Variants in GRAMD1C observed in about 807,000 individuals in gnomAD.
GRAMD1C encodes protein Aster-C.
Under a neutral mutation model 97.8 loss-of-function variants are expected in GRAMD1C, and 89 were observed. The observed-to-expected ratio is 0.91, with a 90% CI of 0.77 to 1.09. GRAMD1C has a LOEUF of 1.09. GRAMD1C is among the 50% of genes least tolerant of loss of function. The pLI is 0.00. For synonymous variants in GRAMD1C, 256 were observed against 267.0 expected (o/e 0.96, Z 0.40); for missense variants, 740 against 766.4 (o/e 0.97, Z 0.41).
intron 6 of GRAMD1C, among the ~76,000 whole-genome samples, chr3:113,895,570 A>G (rs1432236282): frequency 1.3e-5 from 2 of 152,238 alleles, no homozygotes; most frequent in Non-Finnish European, 2.9e-5. Context: ...CAGTAGTGCT[A>G]TCAATCTAAT....
chr3:113,867,465 G>A (rs968902243), intron 2 of GRAMD1C, among the ~76,000 whole-genome samples: 4 of 151,642 alleles, frequency 2.6e-5, no homozygotes, highest in African/African-American at 9.7e-5. Context: ...GCTAATTTTT[G>A]TATTTTAGTA....
chr3:113,885,383 G>T (rs1935433769), intron 6 of GRAMD1C: 1 of 1,584,764 alleles, frequency 6.3e-7, no homozygotes. Context: ...TACCTTTTGC[G>T]GGGGCAGATC....
chr3:113,838,537 C>G (rs1709678804), upstream of GRAMD1C: 1 of 196,540 alleles, frequency 5.1e-6, no homozygotes, highest in Admixed American at 6.1e-5. Flanking sequence ...GGCCTTGGCA[C>G]TCCATCCAGC....
intron 2 of GRAMD1C, among the ~76,000 whole-genome samples, chr3:113,856,335 C>G (rs952311700): frequency 1.3e-5 from 2 of 152,020 alleles, no homozygotes; most frequent in Non-Finnish European, 2.9e-5. Context: ...ACAGTTTCCC[C>G]CAATAGTAAC....
chr3:113,921,708 T>G lies in GRAMD1C; in HGVS notation c.1090+5870T>G, dbSNP rs553751716. ...GTTTGATTTGCATTTCTCTAGTGAT[T>G]AGGGATGTTGAACATTTTTTCATAT... is the stretch of plus-strand genomic sequence containing the variant. On this transcript the variant is annotated intron_variant, in intron 10 of 17. Transcript: ENST00000358160. Among the ~76,000 whole-genome samples, 7 of 152,302 alleles carry G rather than the reference T, an allele frequency of 4.6e-5. No homozygotes were observed. In the South Asian group the frequency reaches 6.2e-4, roughly 14 times the overall value.
At chr3:113,940,100 C>A in intron 16 of GRAMD1C, 104 bp downstream of exon 16, 1 of 860,368 alleles carries the variant, frequency 1.2e-6, no homozygotes, top group Non-Finnish European at 2.0e-6. Context: ...TGCTAACTAT[C>A]CTGTAGCCAT....
chr3:113,946,153 A>C lies in GRAMD1C; in HGVS notation c.*675A>C, dbSNP rs1264546938. The C allele has an allele frequency of 6.6e-6, 1 of 152,618 alleles. No homozygotes were observed. The highest frequency in any genetic ancestry group is 2.4e-5 in the African/African-American group (1 of 41,450). The allele number at this position is 152,618 out of a possible 1,614,324, so 9.5% of individuals were successfully genotyped here. ...GGGATTATCTTGCCTCCTCACTTAGAATACCAACAGTCAAAAGGAAGAACC... is the reference window on the plus strand; with the variant it reads ...GGGATTATCTTGCCTCCTCACTTAGCATACCAACAGTCAAAAGGAAGAACC... On this transcript the variant is annotated 3_prime_UTR_variant, in exon 18 of 18. Transcript: ENST00000358160.
chr3:113,914,565 C>G (rs1468385805), intron 9 of GRAMD1C, among the ~76,000 whole-genome samples: 2 of 152,162 alleles, frequency 1.3e-5, no homozygotes, highest in Non-Finnish European at 2.9e-5. Context: ...TATTCTGTAT[C>G]GATGGGGCAT....
chr3:113,897,185 G>A (rs929960908), intron 6 of GRAMD1C, among the ~76,000 whole-genome samples: 2 of 152,062 alleles, frequency 1.3e-5, no homozygotes, highest in South Asian at 2.1e-4. Context: ...GGAATACTAC[G>A]TCAGTACTAG....
In GRAMD1C at chr3:113,838,851, C is replaced by CGCGGGGCGGTGCGGT; in HGVS notation, c.-54_-40dup. On this transcript the variant is annotated 5_prime_UTR_variant, in exon 1 of 18. Coordinates refer to ENST00000358160, the MANE Select transcript of GRAMD1C (RefSeq NM_017577.5). ...ACTCGCAGCGCGCGCTGGAGGTGGGCGCGGGGCGGTGCGGTGCGGTGCGCG... is the reference window on the plus strand; with the variant it reads ...ACTCGCAGCGCGCGCTGGAGGTGGGCGCGGGGCGGTGCGGTGCGGGGCGGTGCGGTGCGGTGCGCG... 1 of 1,193,506 alleles carries CGCGGGGCGGTGCGGT rather than the reference C, an allele frequency of 8.4e-7. No individual in the cohort carries two copies. The highest frequency in any genetic ancestry group is 1.0e-6 in the Non-Finnish European group (1 of 954,492). The allele number at this position is 1,193,506 out of a possible 1,614,324, so 73.9% of individuals were successfully genotyped here.
At position 113,869,523 on chromosome 3, in the gene GRAMD1C, A is replaced by G. The variant is rs765023465; in HGVS notation, c.191A>G (p.Tyr64Cys). 13 of 1,504,586 alleles carry G rather than the reference A, an allele frequency of 8.6e-6. No individual in the cohort carries two copies. The South Asian group carries it at 1.1e-4, about 12-fold the overall frequency. 93.2% of individuals were successfully genotyped at this position (1,504,586 alleles called of 1,614,324 possible). ...DWSFWISSST[Y>C]KDRNEEYRRQ... The stretch of plus-strand genomic sequence containing the variant: ...TTGTTGCAGATTTCAAGTTCCACCT[A>G]TAAAGACAGGAATGAGGAATACAGA... Residue 64 changes from tyrosine (Y) to cysteine (C), a missense_variant, in exon 3 of 18, where the codon TAT becomes TGT. Physicochemically the swap from Tyr to Cys is radical, Grantham distance 194 (BLOSUM62 -2). Coordinates refer to ENST00000358160, the MANE Select transcript of GRAMD1C (RefSeq NM_017577.5).
At chr3:113,869,083 C>T (rs2107368608) in intron 2 of GRAMD1C, among the ~76,000 whole-genome samples, 1 of 152,142 alleles carries the variant, frequency 6.6e-6, no homozygotes, top group East Asian at 1.9e-4. Context: ...GATCTGTTCC[C>T]ACCCCCAAAG....
chr3:113,841,502 C>T (rs867175333), intron 1 of GRAMD1C, among the ~76,000 whole-genome samples: 2 of 151,934 alleles, frequency 1.3e-5, no homozygotes, highest in Admixed American at 6.6e-5. Context: ...GTTGGTCAGG[C>T]TGGTCTTGAA....
At chr3:113,849,689 C>G (rs1047743318) in intron 2 of GRAMD1C, among the ~76,000 whole-genome samples, 9 of 152,230 alleles carry the variant, frequency 5.9e-5, no homozygotes, top group African/African-American at 9.7e-5. Context: ...CCCATGTATA[C>G]TTCTTTCTAC....
intron 5 of GRAMD1C, among the ~76,000 whole-genome samples, chr3:113,877,483 G>A (rs531026426): frequency 7.9e-4 from 120 of 152,146 alleles, no homozygotes; most frequent in African/African-American, 2.7e-3. Flanking sequence ...GAGCTCTTTC[G>A]TCTTTTCTTG....
At chr3:113,849,490 A>G (rs1371393145) in intron 2 of GRAMD1C, among the ~76,000 whole-genome samples, 1 of 151,506 alleles carries the variant, frequency 6.6e-6, no homozygotes, top group Non-Finnish European at 1.5e-5. Flanking sequence ...GGGAGTGGTG[A>G]TGACTCTTAA....
intron 6 of GRAMD1C, among the ~76,000 whole-genome samples, chr3:113,897,080 C>T (rs566154984): frequency 1.3e-5 from 2 of 152,270 alleles, no homozygotes; most frequent in Non-Finnish European, 2.9e-5. Context: ...TCCACCTGAA[C>T]AGCTGGCTCT....
intron 16 of GRAMD1C, 114 bp from the exon 17 acceptor site, chr3:113,940,126 G>T (rs1937701747): frequency 1.2e-6 from 1 of 868,352 alleles, no homozygotes. Context: ...GCCTGTTTTT[G>T]TTTGTTTAAT....
intron 12 of GRAMD1C, 43 bp from the exon 13 acceptor site, chr3:113,934,389 G>T: frequency 1.1e-6 from 1 of 893,016 alleles, no homozygotes; most frequent in African/African-American, 1.7e-5. Flanking sequence ...TATAACTAAA[G>T]TCTGCTCTTT....
Sources: gnomAD v4.1 joint callset for allele counts (sites outside exome capture counted in the v4.1 genomes callset) on GRCh38, gnomAD v4.1.1 for gene constraint, MANE v1.5 for transcripts, NCBI Gene and HGNC (gene_info 2026-07-23, HGNC 2026-07-21) for gene names.